SLC25A21: variants seen among roughly 807,000 people sequenced by gnomAD.
SLC25A21 encodes the protein mitochondrial 2-oxodicarboxylate carrier.
In SLC25A21, 47 loss-of-function variants were observed where a neutral mutation model predicts 43.8. The ratio of observed to expected loss-of-function variants is 1.07; its 90% CI spans 0.85 to 1.37. SLC25A21 has a LOEUF of 1.37. Ranked by LOEUF, SLC25A21 falls within the 40% of genes most tolerant of loss-of-function variation. The pLI, the probability that SLC25A21 is intolerant of heterozygous loss-of-function variation, is 0.00. For synonymous variants in SLC25A21, 131 were observed against 121.3 expected, an observed-to-expected ratio of 1.08 and a Z score of -0.52; for missense variants, 352 against 350.2, an observed-to-expected ratio of 1.00 and a Z score of -0.04.
intron 1 of SLC25A21, among the ~76,000 whole-genome samples, chr14:36,938,581 A>G (rs1892482985): frequency 1.3e-5 from 2 of 151,952 alleles, no homozygotes; most frequent in Admixed American, 6.6e-5. Flanking sequence ...GTTGATTTTG[A>G]TATTTCAATA....
intron 1 of SLC25A21, among the ~76,000 whole-genome samples, chr14:36,953,819 A>C (rs1356459414): frequency 6.6e-6 from 1 of 152,186 alleles, no homozygotes; most frequent in East Asian, 1.9e-4. Flanking sequence ...CATTTTAGAC[A>C]CTCTTGTGGT....
intron 4 of SLC25A21, among the ~76,000 whole-genome samples, chr14:36,730,158 T>C (rs536227346): frequency 6.6e-6 from 1 of 152,358 alleles, no homozygotes; most frequent in Non-Finnish European, 1.5e-5. Flanking sequence ...TGAAGAAAGC[T>C]GCTAATTCCT....
chr14:37,144,167 C>T (rs1404313201), intron 1 of SLC25A21, among the ~76,000 whole-genome samples: 2 of 152,114 alleles, frequency 1.3e-5, no homozygotes, highest in Non-Finnish European at 2.9e-5. Context: ...GGGAAAAGGA[C>T]TGACAGATTC....
chr14:37,053,008 C>T (rs576344309), intron 1 of SLC25A21, among the ~76,000 whole-genome samples: 1 of 152,146 alleles, frequency 6.6e-6, no homozygotes, highest in Non-Finnish European at 1.5e-5. Flanking sequence ...CGATTTTTGA[C>T]AGCTTTATTG....
intron 2 of SLC25A21, among the ~76,000 whole-genome samples, chr14:36,858,861 A>C (rs1016017707): frequency 1.3e-5 from 2 of 152,212 alleles, no homozygotes; most frequent in African/African-American, 4.8e-5. Flanking sequence ...GATAGATTTT[A>C]GGGTCATTTC....
intron 3 of SLC25A21, among the ~76,000 whole-genome samples, chr14:36,811,196 T>C (rs1363915232): frequency 1.3e-5 from 2 of 152,220 alleles, no homozygotes; most frequent in Non-Finnish European, 2.9e-5. Flanking sequence ...TACCATGAGG[T>C]ATATTTTTAT....
rs557498996 is a variant in SLC25A21, at chr14:36,837,728, C to T, written c.120-23727G>A. ...TTGCAGTTCCTTGACTCTCTCAACA[C>T]CATACTACACTCCTACAACTCACTT... On this transcript the variant is annotated intron_variant, in intron 2 of 9. Transcript: ENST00000331299. 2.6e-5 allele frequency among the ~76,000 whole-genome samples: 4 copies of T among 152,286 alleles called. No homozygotes were observed. In the East Asian group the frequency reaches 7.7e-4, roughly 29 times the overall value.
intron 1 of SLC25A21, among the ~76,000 whole-genome samples, chr14:36,886,364 G>A (rs997902075): frequency 2.6e-5 from 4 of 152,178 alleles, no homozygotes; most frequent in Non-Finnish European, 4.4e-5. Context: ...AAAGTTATGC[G>A]TTTGAGCAAG....
intron 3 of SLC25A21, among the ~76,000 whole-genome samples, chr14:36,746,382 T>C (rs79704799): frequency 0.012 from 1,879 of 152,204 alleles, 39 homozygotes; most frequent in African/African-American, 0.043. Flanking sequence ...CCTTTATAAG[T>C]GGAAGCTAAA....
chr14:36,678,801 T>G lies in SLC25A21; in HGVS notation c.*1857A>C, dbSNP rs140900798. ...TAATATTAATGGTATTGAAGTTTCC[T>G]TTTCTCCCTCTAGGTCTTAACAGTG... On this transcript the variant is annotated 3_prime_UTR_variant, in exon 10 of 10. Transcript: ENST00000331299. 1.3e-4 allele frequency: 134 copies of G among 1,019,406 alleles called. 1 individual carries two copies. In the East Asian group the frequency reaches 7.6e-3, roughly 58 times the overall value. 63.1% of individuals were successfully genotyped at this position (1,019,406 alleles called of 1,614,324 possible).
intron 7 of SLC25A21, among the ~76,000 whole-genome samples, chr14:36,696,986 T>C (rs910308231): frequency 6.6e-6 from 1 of 152,202 alleles, no homozygotes; most frequent in Non-Finnish European, 1.5e-5. Flanking sequence ...TCTCTCGTTC[T>C]TTTAATTGTG....
chr14:36,879,108 G>C (rs534596218), intron 1 of SLC25A21, among the ~76,000 whole-genome samples: 161 of 152,284 alleles, frequency 1.1e-3, no homozygotes, highest in African/African-American at 3.8e-3. Context: ...AGTCATTTTA[G>C]AGATAAAATG....
rs1888896393 is a variant in SLC25A21 at position 36,827,982 on chromosome 14, C to A, written c.120-13981G>T. 2.0e-5 allele frequency among the ~76,000 whole-genome samples: 3 copies of A among 152,126 alleles called. No individual in the cohort carries two copies. In the South Asian group the frequency reaches 6.2e-4, roughly 32 times the overall value. On this transcript the variant is annotated intron_variant, in intron 2 of 9. Coordinates refer to ENST00000331299, the MANE Select transcript of SLC25A21 (RefSeq NM_030631.4). ...ACAACTTTTTTGTTACATTGCAACA[C>A]CTTATCCTAAATGAGTGTGGCTTCA...
intron 2 of SLC25A21, among the ~76,000 whole-genome samples, chr14:36,836,282 A>G (rs1236008339): frequency 6.6e-6 from 1 of 152,254 alleles, no homozygotes; most frequent in Non-Finnish European, 1.5e-5. Flanking sequence ...TAGACTAGTC[A>G]GGAAATCATT....
intron 1 of SLC25A21, among the ~76,000 whole-genome samples, chr14:37,118,221 T>C (rs1963141488): frequency 6.6e-6 from 1 of 152,068 alleles, no homozygotes; most frequent in Non-Finnish European, 1.5e-5. Context: ...AATGGACTTT[T>C]GAGATGTCTT....
chr14:36,723,251 T>G lies in SLC25A21; in HGVS notation c.438+2319A>C, dbSNP rs567715076. On this transcript the variant is annotated intron_variant, in intron 6 of 9. Coordinates refer to ENST00000331299, the MANE Select transcript of SLC25A21 (RefSeq NM_030631.4). ...CAATAGTCACAATCCCATTACTGTC[T>G]GTTGAGTAAAAGCACCTATGGCTTC... Among the ~76,000 whole-genome samples, 6 of 152,338 alleles carry G rather than the reference T, an allele frequency of 3.9e-5. No homozygotes were observed. In the East Asian group the frequency reaches 1.2e-3, roughly 29 times the overall value.
intron 1 of SLC25A21, among the ~76,000 whole-genome samples, chr14:37,130,427 G>A (rs1405864018): frequency 6.6e-6 from 1 of 152,118 alleles, no homozygotes; most frequent in Non-Finnish European, 1.5e-5. Flanking sequence ...AGATAGCTGC[G>A]AGACATGCTT....
chr14:37,121,144 G>T (rs75745602), intron 1 of SLC25A21, among the ~76,000 whole-genome samples: 3 of 152,098 alleles, frequency 2.0e-5, no homozygotes, highest in African/African-American at 7.2e-5. Flanking sequence ...CAGAACTTGC[G>T]CCAGGCAAAA....
At chr14:37,106,811 G>C (rs1038020697) in intron 1 of SLC25A21, among the ~76,000 whole-genome samples, 1 of 152,138 alleles carries the variant, frequency 6.6e-6, no homozygotes, top group Non-Finnish European at 1.5e-5. Context: ...CTACCGATAT[G>C]TGATATCACC....
Sources: allele counts gnomAD v4.1 joint callset (sites outside exome capture counted in the v4.1 genomes callset), GRCh38; gene constraint gnomAD v4.1.1; transcripts MANE v1.5; gene names NCBI Gene and HGNC (gene_info 2026-07-23, HGNC 2026-07-21).